The following BCAS3 variants were observed in gnomAD, a reference collection of about 807,000 sequenced individuals.
The protein encoded by BCAS3 is BCAS3 microtubule associated cell migration factor, also known as BCAS4/BCAS3 fusion.
A neutral mutation model predicts 116.1 loss-of-function variants in BCAS3; 53 were observed. The observed-to-expected ratio is 0.46, with a 90% confidence interval of 0.37 to 0.57. BCAS3 has a LOEUF of 0.57. Ranked by LOEUF, BCAS3 falls within the 20% of genes least tolerant of loss-of-function variation. The pLI is 0.00. For missense variants in BCAS3, 917 were observed against 1,165.4 expected, an observed-to-expected ratio of 0.79 and a Z score of 3.10; for synonymous variants, 391 against 408.2, an observed-to-expected ratio of 0.96 and a Z score of 0.51.
chr17:60,924,340 A>G (rs190135927), intron 12 of BCAS3, 67 bp from the exon 13 acceptor site: 1 of 1,372,780 alleles, frequency 7.3e-7, no homozygotes, highest in African/African-American at 1.4e-5. Context: ...GTGCCTTCTT[A>G]TAGGCTTCAA....
At chr17:61,254,501 G>T (rs1407898546) in intron 22 of BCAS3, among the ~76,000 whole-genome samples, 6 of 152,078 alleles carry the variant, frequency 3.9e-5, no homozygotes, top group African/African-American at 1.4e-4. Context: ...ATTTATGGCG[G>T]GGCGCGGTGG....
chr17:61,105,245 A>G lies in BCAS3; in HGVS notation c.2425+20681A>G, dbSNP rs1452686835. Reference sequence around the variant, plus strand: ...TTCCACTCAGGTGGTTTACCCCAAAACCTGGCCTTTGCTTTCCTCAGACCT... The same window carrying G: ...TTCCACTCAGGTGGTTTACCCCAAAGCCTGGCCTTTGCTTTCCTCAGACCT... On this transcript the variant is annotated intron_variant, in intron 22 of 23. Transcript: ENST00000407086. The surrounding 1 kb of genome is among the most constrained non-coding windows in gnomAD (Gnocchi z 4.3). Among the ~76,000 whole-genome samples the G allele has an allele frequency of 1.3e-5, 2 of 152,160 alleles. No homozygotes were observed. Among genetic ancestry groups the G allele is most frequent in the Non-Finnish European group, 2.9e-5 (2 of 68,014 alleles).
At position 61,364,183 on chromosome 17, in the gene BCAS3, T is replaced by C. The variant is rs2058608557; in HGVS notation, c.2426-4144T>C. On this transcript the variant is annotated intron_variant, in intron 22 of 23. Coordinates refer to ENST00000407086, the MANE Select transcript of BCAS3 (RefSeq NM_017679.5). The surrounding 1 kb of genome is among the most constrained non-coding windows in gnomAD (Gnocchi z 5.4). ...CAGGTGCTTCTTTGCTGAACACTTC[T>C]GATATCTCCCATCTTCGCTCCTCAA... Among the ~76,000 whole-genome samples, 1 of 152,242 alleles carries C rather than the reference T, an allele frequency of 6.6e-6. No individual in the cohort carries two copies. Among genetic ancestry groups the C allele is most frequent in the South Asian group, 2.1e-4 (1 of 4,836 alleles).
chr17:60,708,689 C>T lies in BCAS3; in HGVS notation c.215-530C>T, dbSNP rs186570416. 6.9e-4 allele frequency among the ~76,000 whole-genome samples: 105 copies of T among 152,110 alleles called. 1 individual carries two copies. Among genetic ancestry groups the T allele is most frequent in the Admixed American group, 2.8e-3 (42 of 15,260 alleles). ...GGGATTACAGGTGCGGCACCACACC[C>T]GACTAATTTTTGTAGTTTTTAGTGG... On this transcript the variant is annotated intron_variant, in intron 4 of 23. Transcript: ENST00000407086.
In BCAS3 at chr17:61,333,432, G is replaced by T. The variant is rs908751779; in HGVS notation, c.2426-34895G>T. ...TGGAGACGTCCTGTGAGGCAGGCAGGCCTCTGTCTCAGCATCACCAATAGC... is the reference window on the plus strand; with the variant it reads ...TGGAGACGTCCTGTGAGGCAGGCAGTCCTCTGTCTCAGCATCACCAATAGC... On this transcript the variant is annotated intron_variant, in intron 22 of 23. Transcript: ENST00000407086. The surrounding 1 kb of genome is among the most constrained non-coding windows in gnomAD (Gnocchi z 4.8). Among the ~76,000 whole-genome samples, 15 of 152,122 alleles carry T rather than the reference G, an allele frequency of 9.9e-5. No homozygotes were observed. The highest frequency in any genetic ancestry group is 8.5e-4 in the Admixed American group (13 of 15,276).
At chr17:61,157,080 GGGAT>G (rs1379473348) in intron 22 of BCAS3, among the ~76,000 whole-genome samples, 2 of 152,116 alleles carry the variant, frequency 1.3e-5, no homozygotes, top group African/African-American at 4.8e-5. Flanking sequence ...GAGGCTGTTT[GGGAT>G]GGATTAATTT....
chr17:60,695,119 A>ATT (rs61173709), intron 4 of BCAS3, among the ~76,000 whole-genome samples: 6,370 of 129,128 alleles, frequency 0.049, 690 homozygotes, highest in African/African-American at 0.18. Context: ...TATATACCAC[A>ATT]TTTTTTTTTT....
At chr17:60,691,419 C>A (rs1417952420) in intron 4 of BCAS3, among the ~76,000 whole-genome samples, 1 of 152,090 alleles carries the variant, frequency 6.6e-6, no homozygotes, top group African/African-American at 2.4e-5. Context: ...CTCTCTCTCT[C>A]TCTCTCTTTT....
Position 61,332,924 on chromosome 17 carries a change from T to G in BCAS3, c.2426-35403T>G, listed in dbSNP as rs2056410202. Among the ~76,000 whole-genome samples the G allele has an allele frequency of 6.6e-6, 1 of 152,200 alleles. No individual in the cohort carries two copies. The highest frequency in any genetic ancestry group is 2.4e-5 in the African/African-American group (1 of 41,460). ...AGCCATGGCACCCGGCCTATCCCCA[T>G]CTTAAAAAGGAGGCAGCTAAGGCTC... On this transcript the variant is annotated intron_variant, in intron 22 of 23. Transcript: ENST00000407086. This position sits in a 1 kb window ranked among gnomAD's most constrained non-coding sequence, Gnocchi z 5.4.
chr17:60,833,817 G>A (rs551974664), intron 7 of BCAS3, among the ~76,000 whole-genome samples: 20 of 152,012 alleles, frequency 1.3e-4, no homozygotes, highest in Non-Finnish European at 2.2e-4. Context: ...GTCATTTGAC[G>A]CCCCTTCATT....
At chr17:61,240,265 C>G (rs1156966172) in intron 22 of BCAS3, among the ~76,000 whole-genome samples, 1 of 152,158 alleles carries the variant, frequency 6.6e-6, no homozygotes, top group Non-Finnish European at 1.5e-5. Flanking sequence ...CAAAAACAGC[C>G]TAAGAGAAGA....
intron 22 of BCAS3, among the ~76,000 whole-genome samples, chr17:61,197,429 A>C (rs918925286): frequency 6.6e-6 from 1 of 152,228 alleles, no homozygotes; most frequent in African/African-American, 2.4e-5. Flanking sequence ...TATATAAATT[A>C]GGCTCTTTTG....
chr17:61,155,615 G>A (rs1377361537), intron 22 of BCAS3, among the ~76,000 whole-genome samples: 1 of 152,092 alleles, frequency 6.6e-6, no homozygotes, highest in Non-Finnish European at 1.5e-5. Context: ...CAGGCTCCCA[G>A]ATAACAGGCA....
intron 7 of BCAS3, among the ~76,000 whole-genome samples, chr17:60,827,279 T>C (rs1390237522): frequency 1.3e-5 from 2 of 152,192 alleles, no homozygotes; most frequent in Non-Finnish European, 2.9e-5. Context: ...CTCATACTAT[T>C]TGGGTCAGGA....
intron 22 of BCAS3, among the ~76,000 whole-genome samples, chr17:61,094,497 T>C (rs771806470): frequency 6.6e-6 from 1 of 152,332 alleles, no homozygotes; most frequent in Admixed American, 6.5e-5. Context: ...AATTGAAAAT[T>C]AGAAATTTGA....
chr17:60,863,673 G>C (rs1165974166), intron 7 of BCAS3, among the ~76,000 whole-genome samples: 2 of 152,162 alleles, frequency 1.3e-5, no homozygotes, highest in Non-Finnish European at 2.9e-5. Context: ...AGGATTGCTT[G>C]AGATCAGGAA....
At chr17:60,937,531 C>G (rs532409758) in intron 13 of BCAS3, among the ~76,000 whole-genome samples, 1 of 152,310 alleles carries the variant, frequency 6.6e-6, no homozygotes, top group South Asian at 2.1e-4. Flanking sequence ...ATGTACCTCT[C>G]TAAGCAACAT....
chr17:60,720,708 G>T (rs1455843452), intron 5 of BCAS3, among the ~76,000 whole-genome samples: 1 of 152,168 alleles, frequency 6.6e-6, no homozygotes. Flanking sequence ...GTAATTTAGA[G>T]ATGATTTAAA....
intron 22 of BCAS3, among the ~76,000 whole-genome samples, chr17:61,329,686 A>T (rs372420080): frequency 5.1e-4 from 78 of 152,274 alleles, no homozygotes; most frequent in African/African-American, 1.9e-3. Flanking sequence ...AGACTTTTGA[A>T]GAGAACAGAA....
Sources: allele counts gnomAD v4.1 joint callset (sites outside exome capture counted in the v4.1 genomes callset), GRCh38; gene constraint gnomAD v4.1.1; non-coding constraint Gnocchi (gnomAD v3.1); transcripts MANE v1.5; gene names NCBI Gene and HGNC (gene_info 2026-07-23, HGNC 2026-07-21).